Variants in NOMO1 observed in about 807,000 individuals in gnomAD.
NOMO1 encodes nodal modulator 3.
A neutral mutation model predicts 133.8 loss-of-function variants in NOMO1; 40 were observed. That is an observed-to-expected ratio of 0.30 (90% CI 0.23 to 0.39). The LOEUF is 0.39. Ranked by LOEUF, NOMO1 falls within the 10% of genes least tolerant of loss-of-function variation. The pLI, the probability that NOMO1 is intolerant of heterozygous loss-of-function variation, is 1.00. For synonymous variants in NOMO1, 236 were observed against 570.5 expected, an observed-to-expected ratio of 0.41 and a Z score of 8.36; for missense variants, 462 against 1,419.9, an observed-to-expected ratio of 0.33 and a Z score of 10.84.
intron 11 of NOMO1, among the ~76,000 whole-genome samples, chr16:14,861,633 A>G (rs1963923714): frequency 6.8e-6 from 1 of 146,144 alleles, no homozygotes; most frequent in Non-Finnish European, 1.5e-5. Context: ...CAAAATGCAT[A>G]TGCTAGGTCA....
At chr16:14,861,722 C>G (rs1397075842) in intron 11 of NOMO1, among the ~76,000 whole-genome samples, 1 of 151,486 alleles carries the variant, frequency 6.6e-6, no homozygotes, top group Non-Finnish European at 1.5e-5. Flanking sequence ...TCTAGGACAA[C>G]AGCTGAGATA....
intron 29 of NOMO1, among the ~76,000 whole-genome samples, chr16:14,889,447 A>T (rs1228311403): frequency 6.6e-6 from 1 of 152,052 alleles, no homozygotes; most frequent in Non-Finnish European, 1.5e-5. Flanking sequence ...TGGGAGGATC[A>T]CTTGAGCCTG....
intron 27 of NOMO1, among the ~76,000 whole-genome samples, chr16:14,884,989 G>T (rs1698038119): frequency 6.6e-6 from 1 of 152,008 alleles, no homozygotes; most frequent in Non-Finnish European, 1.5e-5. Flanking sequence ...GGCCTCAGGA[G>T]GCTTCCAATC....
intron 12 of NOMO1, 124 bp from the exon 13 acceptor site, chr16:14,864,461 A>G: frequency 6.5e-7 from 1 of 1,527,380 alleles, no homozygotes; most frequent in Non-Finnish European, 8.8e-7. Context: ...ATCGGCCTGG[A>G]AACGAACCTT....
At chr16:14,874,074 C>T in intron 18 of NOMO1, among the ~76,000 whole-genome samples, 1 of 42,098 alleles carries the variant, frequency 2.4e-5, no homozygotes, top group Non-Finnish European at 1.0e-4. Context: ...CTGGGCTTCG[C>T]TTCTTACCAC....
At position 14,867,176 on chromosome 16, in the gene NOMO1, A is replaced by ATTTTTT. The variant is rs1174703237; in HGVS notation, c.1806+509_1806+514dup. 3.1e-3 allele frequency among the ~76,000 whole-genome samples: 23 copies of ATTTTTT among 7,460 alleles called. 1 individual carries two copies. The highest frequency in any genetic ancestry group is 0.015 in the East Asian group (6 of 392). The allele number at this position is 7,460 out of a possible 152,430, so 4.9% of individuals were successfully genotyped here. Reference sequence around the variant, plus strand: ...TATATATATATATATATATATATATATTTTTTTTTTTTTTTTTTTTTTTTT... The same window carrying ATTTTTT: ...TATATATATATATATATATATATATATTTTTTTTTTTTTTTTTTTTTTTTTTTTTTT... On this transcript the variant is annotated intron_variant, in intron 15 of 30. Transcript: ENST00000287667.
At chr16:14,836,866 C>T (rs556949181) in intron 1 of NOMO1, among the ~76,000 whole-genome samples, 2 of 150,910 alleles carry the variant, frequency 1.3e-5, no homozygotes, top group South Asian at 2.1e-4. Flanking sequence ...CCACCGCGCC[C>T]GGCTAATTTT....
At chr16:14,844,195 A>AG (rs1963647220) in intron 3 of NOMO1, among the ~76,000 whole-genome samples, 1 of 151,964 alleles carries the variant, frequency 6.6e-6, no homozygotes. Context: ...TCTGTCACTC[A>AG]GAAGCTCTGT....
intron 3 of NOMO1, among the ~76,000 whole-genome samples, chr16:14,843,552 T>C (rs1281332343): frequency 1.3e-5 from 2 of 151,900 alleles, no homozygotes; most frequent in Non-Finnish European, 2.9e-5. Context: ...TTAGCCCTTC[T>C]GGTGGGGGTG....
rs1179597617 is a variant in NOMO1 at position 14,833,899 on chromosome 16, C to T, written c.48C>T (p.Thr16=). 16 of 740,212 alleles carry T rather than the reference C, an allele frequency of 2.2e-5. No homozygotes were observed. Among genetic ancestry groups the T allele is most frequent in the Non-Finnish European group, 3.0e-5 (16 of 540,210 alleles). The allele number at this position is 740,212 out of a possible 1,614,324, so 45.9% of individuals were successfully genotyped here. A position where few individuals can be genotyped will look rare whatever the true frequency, so the allele number is the denominator to read the frequency against. Residue 16 remains threonine (T), a synonymous_variant, in exon 1 of 31, where the codon ACC becomes ACT. Coordinates refer to ENST00000287667, the MANE Select transcript of NOMO1 (RefSeq NM_014287.4). ...GGCCGCTGGGGCCCGCGGTGGTCAC[C>T]GCCGCGGTGGTGCTGCTGCTGAGCG... ...GAGPLGPAVV[T]AAVVLLLSGV... is the part of the protein sequence containing the mutation.
Position 14,882,696 on chromosome 16 carries a change from C to A in NOMO1, c.3111+19C>A, listed in dbSNP as rs1174871774. Reference sequence around the variant, plus strand: ...GATTGAGGTAAGGCATTCAGTGCTGCCGCTGCACCTGGGTGTGGGTGCCTC... The same window carrying A: ...GATTGAGGTAAGGCATTCAGTGCTGACGCTGCACCTGGGTGTGGGTGCCTC... On this transcript the variant is annotated intron_variant, in intron 26 of 30. Coordinates refer to ENST00000287667, the MANE Select transcript of NOMO1 (RefSeq NM_014287.4). 3 of 1,611,536 alleles carry A rather than the reference C, an allele frequency of 1.9e-6. No homozygotes were observed. Among genetic ancestry groups the A allele is most frequent in the Non-Finnish European group, 2.5e-6 (3 of 1,179,784 alleles).
At position 14,884,465 on chromosome 16, in the gene NOMO1, T is replaced by A. The variant is rs1426733850; in HGVS notation, c.3205T>A (p.Tyr1069Asn). 1.2e-6 allele frequency: 2 copies of A among 1,611,668 alleles called. No individual in the cohort carries two copies. Among genetic ancestry groups the A allele is most frequent in the East Asian group, 4.5e-5 (2 of 44,862 alleles). Residue 1069 changes from tyrosine to asparagine, a missense_variant, in exon 27 of 31, where the codon TAC becomes AAC. Coordinates refer to ENST00000287667, the MANE Select transcript of NOMO1 (RefSeq NM_014287.4). The stretch of plus-strand genomic sequence containing the variant: ...TGGAAATGTGATCACTTCCTCTGAA[T>A]ACCTTCCTACATTATGGGTAAGTCC... ...LSGNVITSSE[Y>N]LPTLWVKLYK...
chr16:14,856,536 C>T (rs527267230), intron 9 of NOMO1, among the ~76,000 whole-genome samples: 7 of 151,864 alleles, frequency 4.6e-5, no homozygotes, highest in African/African-American at 1.7e-4. Flanking sequence ...CTCAGCCTCC[C>T]GAGTAGCTGG....
chr16:14,856,316 G>A (rs142086010), intron 9 of NOMO1, among the ~76,000 whole-genome samples: 32 of 152,212 alleles, frequency 2.1e-4, no homozygotes, highest in Admixed American at 9.2e-4. Context: ...AGAAAGCACC[G>A]GTGTGCTGCT....
chr16:14,855,802 T>A, intron 9 of NOMO1, among the ~76,000 whole-genome samples: 1 of 152,048 alleles, frequency 6.6e-6, no homozygotes. Flanking sequence ...TATTCTTTAC[T>A]GTTTTCCTAA....
intron 16 of NOMO1, 125 bp downstream of exon 16, chr16:14,868,760 A>G (rs543522795): frequency 1.4e-5 from 9 of 650,600 alleles, no homozygotes; most frequent in East Asian, 1.1e-4. Context: ...TGTGTGTTCA[A>G]CCTGCTCTTG....
At chr16:14,869,981 C>G (rs988519549) in intron 16 of NOMO1, among the ~76,000 whole-genome samples, 7 of 151,460 alleles carry the variant, frequency 4.6e-5, no homozygotes, top group Non-Finnish European at 1.0e-4. Context: ...TTGCATTTTC[C>G]TAATGAATAA....
intron 11 of NOMO1, among the ~76,000 whole-genome samples, chr16:14,859,145 G>A (rs909626287): frequency 6.6e-6 from 1 of 151,916 alleles, no homozygotes; most frequent in African/African-American, 2.4e-5. Context: ...TGGCCCAGGG[G>A]GGACCTAGGG....
In NOMO1 at chr16:14,833,833, A is replaced by T; in HGVS notation, c.-19A>T. 1 of 549,808 alleles carries T rather than the reference A, an allele frequency of 1.8e-6. No homozygotes were observed. Among genetic ancestry groups the T allele is most frequent in the Admixed American group, 4.7e-5 (1 of 21,306 alleles). 34.1% of individuals were successfully genotyped at this position (549,808 alleles called of 1,614,324 possible). On this transcript the variant is annotated 5_prime_UTR_variant, in exon 1 of 31. Transcript: ENST00000287667. ...GGACCCGGCTGCCGGCGGTGGGTCT[A>T]GCTGGGGGAGGTCGGGCCATGCTGG...
Sources: gnomAD v4.1 joint callset for allele counts (sites outside exome capture counted in the v4.1 genomes callset) on GRCh38, gnomAD v4.1.1 for gene constraint, MANE v1.5 for transcripts, NCBI Gene and HGNC (gene_info 2026-07-23, HGNC 2026-07-21) for gene names.